CBFA2T2: variants seen among roughly 807,000 people sequenced by gnomAD.
The protein encoded by CBFA2T2 is protein CBFA2T2.
In CBFA2T2, 11 loss-of-function variants were observed where a neutral mutation model predicts 62.2. The ratio of observed to expected loss-of-function variants is 0.18; its 90% CI spans 0.11 to 0.29. CBFA2T2 has a LOEUF of 0.29. Ranked by LOEUF, CBFA2T2 falls within the 10% of genes least tolerant of loss-of-function variation. CBFA2T2 has a pLI of 1.00. For missense variants in CBFA2T2, 592 were observed against 774.1 expected, an observed-to-expected ratio of 0.76 and a Z score of 2.79; for synonymous variants, 295 against 287.5, an observed-to-expected ratio of 1.03 and a Z score of -0.27.
chr20:33,634,626 G>C (rs549752559), intron 8 of CBFA2T2, among the ~76,000 whole-genome samples: 1 of 140,594 alleles, frequency 7.1e-6, no homozygotes, highest in Non-Finnish European at 1.5e-5. Context: ...AGCTGAGTTC[G>C]TGCCAATGCA....
chr20:33,587,439 C>T (rs1364187185), intron 1 of CBFA2T2, among the ~76,000 whole-genome samples: 3 of 151,880 alleles, frequency 2.0e-5, no homozygotes, highest in African/African-American at 7.3e-5. Flanking sequence ...GCTAATTTTT[C>T]ATGTTTTTGG....
intron 1 of CBFA2T2, among the ~76,000 whole-genome samples, chr20:33,582,796 G>A (rs1402290756): frequency 4.6e-5 from 7 of 152,114 alleles, no homozygotes; most frequent in Admixed American, 4.6e-4. Context: ...ACAAACATTA[G>A]CCAGGTGTGG....
intron 10 of CBFA2T2, among the ~76,000 whole-genome samples, chr20:33,641,124 C>T (rs1032602658): frequency 6.6e-6 from 1 of 152,080 alleles, no homozygotes; most frequent in Non-Finnish European, 1.5e-5. Flanking sequence ...GCTCCACCTC[C>T]TGGGTTCACG....
rs770991454 is a variant in CBFA2T2 at position 33,611,140 on chromosome 20, A to C, written c.225A>C (p.Pro75=). The part of the protein sequence containing the change: ...NHSPPTLNGA[P]SPPQRFSNGP... ...CTCCTCCTACCCTGAATGGTGCCCC[A>C]TCACCGCCACAGAGATTCAGCAATG... Residue 75 remains proline, a synonymous_variant, in exon 3 of 11, where the codon CCA becomes CCC. Coordinates refer to ENST00000342704, the MANE Select transcript of CBFA2T2 (RefSeq NM_001032999.3). 9.8e-5 allele frequency: 158 copies of C among 1,614,090 alleles called. No homozygotes were observed. Among genetic ancestry groups the C allele is most frequent in the Non-Finnish European group, 1.3e-4 (153 of 1,180,036 alleles).
intron 1 of CBFA2T2, among the ~76,000 whole-genome samples, chr20:33,593,453 C>T (rs369398779): frequency 1.5e-5 from 2 of 131,396 alleles, no homozygotes; most frequent in East Asian, 5.2e-4. Context: ...TGTGCAGTGA[C>T]ATGGTCTCAG....
chr20:33,558,537 G>A (rs1419681356), intron 1 of CBFA2T2, among the ~76,000 whole-genome samples: 1 of 151,870 alleles, frequency 6.6e-6, no homozygotes, highest in East Asian at 1.9e-4. Context: ...CCACATTCTC[G>A]ACTTTGCTAA....
chr20:33,510,596 A>G (rs2011492727), intron 1 of CBFA2T2, among the ~76,000 whole-genome samples: 1 of 152,106 alleles, frequency 6.6e-6, no homozygotes, highest in South Asian at 2.1e-4. Flanking sequence ...CAATAAACAT[A>G]CTTGTGCATA....
chr20:33,520,947 C>A (rs556870944), intron 1 of CBFA2T2, among the ~76,000 whole-genome samples: 1 of 148,614 alleles, frequency 6.7e-6, no homozygotes, highest in African/African-American at 2.5e-5. Context: ...ATCACATACA[C>A]ACACACACAC....
intron 1 of CBFA2T2, among the ~76,000 whole-genome samples, chr20:33,549,861 CT>C (rs368043905): frequency 0.1 from 12,848 of 124,206 alleles, 1,323 homozygotes; most frequent in African/African-American, 0.31. Flanking sequence ...ATGGCTGCTG[CT>C]TTTTTTTTTT....
chr20:33,563,148 A>G (rs2013152417), intron 1 of CBFA2T2, among the ~76,000 whole-genome samples: 1 of 152,234 alleles, frequency 6.6e-6, no homozygotes, highest in African/African-American at 2.4e-5. Flanking sequence ...AACTAACAGC[A>G]TCTCTTCGTT....
At chr20:33,587,623 T>A (rs921293475) in intron 1 of CBFA2T2, among the ~76,000 whole-genome samples, 3 of 151,972 alleles carry the variant, frequency 2.0e-5, no homozygotes, top group Non-Finnish European at 4.4e-5. Flanking sequence ...ATGGTCTCAA[T>A]CTCCTGACCT....
intron 1 of CBFA2T2, among the ~76,000 whole-genome samples, chr20:33,596,292 C>A (rs2014881079): frequency 3.3e-5 from 5 of 152,164 alleles, no homozygotes; most frequent in Admixed American, 3.3e-4. Context: ...TTAATATATT[C>A]TTTGTTACAC....
At chr20:33,495,442 C>T (rs2011190152) in intron 1 of CBFA2T2, among the ~76,000 whole-genome samples, 1 of 145,338 alleles carries the variant, frequency 6.9e-6, no homozygotes, top group African/African-American at 2.6e-5. Flanking sequence ...AATCCCAGCA[C>T]TTTGGGAGGC....
intron 5 of CBFA2T2, among the ~76,000 whole-genome samples, chr20:33,624,299 A>G (rs1233718425): frequency 6.6e-6 from 1 of 151,196 alleles, no homozygotes. Context: ...AAACCCTGCT[A>G]CTACACAATT....
intron 1 of CBFA2T2, among the ~76,000 whole-genome samples, chr20:33,512,422 T>C (rs1249934875): frequency 1.3e-5 from 2 of 152,196 alleles, no homozygotes; most frequent in Non-Finnish European, 2.9e-5. Flanking sequence ...TGCCAGTCAC[T>C]GTCCCTCCTT....
At chr20:33,630,300 T>TA (rs1395992064) in intron 8 of CBFA2T2, among the ~76,000 whole-genome samples, 1 of 152,198 alleles carries the variant, frequency 6.6e-6, no homozygotes, top group African/African-American at 2.4e-5. Flanking sequence ...ATGAGAATAT[T>TA]TGTGATTTTG....
intron 1 of CBFA2T2, among the ~76,000 whole-genome samples, chr20:33,589,224 G>T (rs2014508945): frequency 6.6e-6 from 1 of 152,160 alleles, no homozygotes; most frequent in Non-Finnish European, 1.5e-5. Flanking sequence ...GAGCTTCAGG[G>T]TTGAAAATCA....
intron 4 of CBFA2T2, 129 bp downstream of exon 4, chr20:33,619,735 T>G: frequency 1.6e-6 from 1 of 609,900 alleles, no homozygotes; most frequent in South Asian, 2.2e-5. Flanking sequence ...GGTAGAGAGG[T>G]CTGAGTGCAG....
At chr20:33,554,312 G>A (rs1403508544) in intron 1 of CBFA2T2, among the ~76,000 whole-genome samples, 1 of 150,266 alleles carries the variant, frequency 6.7e-6, no homozygotes, top group Non-Finnish European at 1.5e-5. Flanking sequence ...GAGTGCAGAG[G>A]CATGATCTCA....
Sources: gnomAD v4.1 joint callset for allele counts (sites outside exome capture counted in the v4.1 genomes callset) on GRCh38, gnomAD v4.1.1 for gene constraint, MANE v1.5 for transcripts, NCBI Gene and HGNC (gene_info 2026-07-23, HGNC 2026-07-21) for gene names.